The following TMEM132C variants were observed in gnomAD, a reference collection of about 807,000 sequenced individuals.
TMEM132C encodes the protein protein phosphatase 1, regulatory subunit 152.
In TMEM132C, 29 loss-of-function variants were observed where a neutral mutation model predicts 61.4. The ratio of observed to expected loss-of-function variants is 0.47; its 90% CI spans 0.35 to 0.64. The LOEUF (loss-of-function observed/expected upper bound fraction) is 0.64, where lower values mean the gene tolerates loss of function less well. Among genes scored for constraint, TMEM132C ranks in the 30% least tolerant of loss-of-function variants. The pLI is 0.00. For synonymous variants in TMEM132C, 656 were observed against 633.1 expected (o/e 1.04, Z -0.54); for missense variants, 1,408 against 1,476.9 (o/e 0.95, Z 0.76).
intron 1 of TMEM132C, among the ~76,000 whole-genome samples, chr12:128,388,563 G>A (rs1404836543): frequency 1.3e-5 from 2 of 152,358 alleles, no homozygotes; most frequent in East Asian, 3.9e-4. Context: ...CTTCCCTGGA[G>A]AAGGTGTCGC....
intron 2 of TMEM132C, among the ~76,000 whole-genome samples, chr12:128,454,113 A>G (rs1012456792): frequency 5.9e-5 from 9 of 152,234 alleles, no homozygotes; most frequent in Middle Eastern, 3.2e-3. Context: ...TAGACAAGAT[A>G]ACCAAAGTGT....
At chr12:128,664,822 C>CA (rs1213082377) in intron 4 of TMEM132C, among the ~76,000 whole-genome samples, 2 of 152,182 alleles carry the variant, frequency 1.3e-5, no homozygotes, top group Non-Finnish European at 2.9e-5. Flanking sequence ...AGGTGGGTCT[C>CA]AGAAGACAGA....
intron 5 of TMEM132C, among the ~76,000 whole-genome samples, chr12:128,681,525 A>G (rs1954634076): frequency 6.6e-6 from 1 of 152,172 alleles, no homozygotes; most frequent in South Asian, 2.1e-4. Context: ...CAGGGGCTCA[A>G]ATGAAGTAAT....
At chr12:128,665,742 T>C (rs1452965722) in intron 4 of TMEM132C, among the ~76,000 whole-genome samples, 503 of 49,220 alleles carry the variant, frequency 0.01, no homozygotes, top group South Asian at 0.014. Flanking sequence ...GGCACACACA[T>C]ACACCCAGGC....
intron 4 of TMEM132C, among the ~76,000 whole-genome samples, chr12:128,648,978 C>G (rs79791752): frequency 6.7e-6 from 1 of 149,634 alleles, no homozygotes; most frequent in East Asian, 2.0e-4. Flanking sequence ...GTGTGTTTAG[C>G]TCAGTCCATC....
chr12:128,321,756 G>A (rs180876326), intron 1 of TMEM132C, among the ~76,000 whole-genome samples: 1 of 152,322 alleles, frequency 6.6e-6, no homozygotes, highest in East Asian at 1.9e-4. Flanking sequence ...ACTGGGTAGA[G>A]AGTCCATGAG....
intron 5 of TMEM132C, among the ~76,000 whole-genome samples, chr12:128,683,970 T>TTAAATAAATAAATAAA (rs5741714): frequency 2.1e-4 from 31 of 147,578 alleles, no homozygotes; most frequent in African/African-American, 3.8e-4. Context: ...CTGTTTGAAA[T>TTAAATAAATAAATAAA]TAAATAAATA....
At chr12:128,529,986 C>T (rs1873229324) in intron 2 of TMEM132C, among the ~76,000 whole-genome samples, 1 of 151,974 alleles carries the variant, frequency 6.6e-6, no homozygotes, top group African/African-American at 2.4e-5. Context: ...CCCCTCCTAC[C>T]CTTCAATCTG....
intron 2 of TMEM132C, among the ~76,000 whole-genome samples, chr12:128,422,231 C>T (rs543353906): frequency 5.3e-5 from 8 of 152,228 alleles, no homozygotes; most frequent in Non-Finnish European, 1.2e-4. Flanking sequence ...GACTGCCTCC[C>T]CAAAGCCTAG....
Position 128,567,429 on chromosome 12 carries a change from G to GACACACACACAC in TMEM132C, c.1121+23362_1121+23373dup, listed in dbSNP as rs140541188. 2.9e-5 allele frequency among the ~76,000 whole-genome samples: 4 copies of GACACACACACAC among 136,238 alleles called. No homozygotes were observed. The East Asian group carries it at 8.7e-4, about 30-fold the overall frequency. 89.4% of individuals were successfully genotyped at this position (136,238 alleles called of 152,430 possible). A position where few individuals can be genotyped will look rare whatever the true frequency, so the allele number is the denominator to read the frequency against. ...GATCATAAGTGTCCACATACCCATA[G>GACACACACACAC]ACACACACACACACACACACACACA... On this transcript the variant is annotated intron_variant, in intron 3 of 8. Transcript: ENST00000435159.
intron 2 of TMEM132C, among the ~76,000 whole-genome samples, chr12:128,536,538 A>AAAAGAG (rs1555230570): frequency 0.072 from 10,912 of 151,146 alleles, 1,315 homozygotes; most frequent in African/African-American, 0.25. Flanking sequence ...ATGAAAAAAA[A>AAAAGAG]AGAGAAGGTG....
intron 3 of TMEM132C, among the ~76,000 whole-genome samples, chr12:128,575,649 G>A (rs1875064654): frequency 6.6e-6 from 1 of 152,168 alleles, no homozygotes; most frequent in Non-Finnish European, 1.5e-5. Context: ...TTATACATGG[G>A]TGTGGAGGGC....
At chr12:128,654,602 ACT>A (rs775865047) in intron 4 of TMEM132C, among the ~76,000 whole-genome samples, 8 of 151,950 alleles carry the variant, frequency 5.3e-5, no homozygotes, top group Non-Finnish European at 7.4e-5. Flanking sequence ...ATGCCCAATA[ACT>A]CTGAGCCGCT....
intron 1 of TMEM132C, among the ~76,000 whole-genome samples, chr12:128,404,093 C>T (rs1875257594): frequency 6.6e-6 from 1 of 152,160 alleles, no homozygotes; most frequent in Non-Finnish European, 1.5e-5. Context: ...CAGACGTCAC[C>T]AAGTGTTTCT....
chr12:128,279,227 C>T (rs999922132), intron 1 of TMEM132C, among the ~76,000 whole-genome samples: 3 of 152,052 alleles, frequency 2.0e-5, no homozygotes, highest in Admixed American at 6.5e-5. Flanking sequence ...TAATGGATTC[C>T]CAGAACTGGC....
intron 5 of TMEM132C, among the ~76,000 whole-genome samples, chr12:128,685,692 C>A (rs117205255): frequency 6.6e-6 from 1 of 152,136 alleles, no homozygotes; most frequent in Non-Finnish European, 1.5e-5. Flanking sequence ...GAGGAGAAGG[C>A]GGGCCTCCCT....
At chr12:128,659,694 C>T (rs770403944) in intron 4 of TMEM132C, among the ~76,000 whole-genome samples, 22 of 152,186 alleles carry the variant, frequency 1.4e-4, no homozygotes, top group Non-Finnish European at 2.9e-4. Context: ...TTGGATTAAG[C>T]GTCCTTAAGT....
At chr12:128,407,190 G>A (rs775813563) in intron 1 of TMEM132C, among the ~76,000 whole-genome samples, 12 of 152,178 alleles carry the variant, frequency 7.9e-5, no homozygotes, top group Admixed American at 1.3e-4. Flanking sequence ...TAGTGAATAA[G>A]TCTCACAAGA....
intron 1 of TMEM132C, among the ~76,000 whole-genome samples, chr12:128,317,602 A>G (rs1872195101): frequency 6.6e-6 from 1 of 152,244 alleles, no homozygotes. Flanking sequence ...GTTATAAATT[A>G]GGCCAGTCAC....
Sources: gnomAD v4.1 joint callset for allele counts (sites outside exome capture counted in the v4.1 genomes callset) on GRCh38, gnomAD v4.1.1 for gene constraint, MANE v1.5 for transcripts, NCBI Gene and HGNC (gene_info 2026-07-23, HGNC 2026-07-21) for gene names.